Variants in ERBB4 observed in about 807,000 individuals in gnomAD.
ERBB4 encodes the protein erb-b2 receptor tyrosine kinase 4.
In ERBB4, 42 loss-of-function variants were observed where a neutral mutation model predicts 158.0. That is an observed-to-expected ratio of 0.27 (90% confidence interval 0.21 to 0.34). The LOEUF (loss-of-function observed/expected upper bound fraction) is 0.34. ERBB4 is among the 10% of genes least tolerant of loss of function. ERBB4 has a pLI of 1.00. For synonymous variants in ERBB4, 583 were observed against 558.7 expected, an observed-to-expected ratio of 1.04 and a Z score of -0.61; for missense variants, 1,333 against 1,624.1, an observed-to-expected ratio of 0.82 and a Z score of 3.08.
At chr2:211,688,952 T>C (rs1010494176) in intron 12 of ERBB4, among the ~76,000 whole-genome samples, 1 of 152,176 alleles carries the variant, frequency 6.6e-6, no homozygotes, top group Non-Finnish European at 1.5e-5. Context: ...TGTGGTTTTC[T>C]CCATGTCTTA....
intron 2 of ERBB4, among the ~76,000 whole-genome samples, chr2:212,035,324 A>G (rs1205221489): frequency 6.6e-6 from 1 of 152,134 alleles, no homozygotes; most frequent in Non-Finnish European, 1.5e-5. Context: ...AATGTCAAAT[A>G]GCTTATAGAT....
rs993855060 is a variant in ERBB4, at chr2:212,079,498, T to A, written c.234+45254A>T. On this transcript the variant is annotated intron_variant, in intron 2 of 27. Transcript: ENST00000342788. The stretch of plus-strand genomic sequence containing the variant: ...TAGAATTTGCTGAATGACTAACTCC[T>A]TATTTTATTTCTTGATATAACTACT... 2.0e-5 allele frequency among the ~76,000 whole-genome samples: 3 copies of A among 152,106 alleles called. No homozygotes were observed. The East Asian group carries it at 5.8e-4, about 29-fold the overall frequency.
intron 1 of ERBB4, among the ~76,000 whole-genome samples, chr2:212,268,288 A>C (rs2085222517): frequency 6.6e-6 from 1 of 151,870 alleles, no homozygotes; most frequent in African/African-American, 2.4e-5. Context: ...ATGAGATAGA[A>C]ATGACAGATT....
chr2:212,515,396 T>G (rs577687378), intron 1 of ERBB4, among the ~76,000 whole-genome samples: 2 of 152,254 alleles, frequency 1.3e-5, no homozygotes, highest in South Asian at 4.1e-4. Context: ...GAAAATCTTT[T>G]TATTTCCTTT....
chr2:211,490,228 G>A (rs1488713876), intron 20 of ERBB4, among the ~76,000 whole-genome samples: 1 of 152,010 alleles, frequency 6.6e-6, no homozygotes, highest in African/African-American at 2.4e-5. Context: ...CATTCCCAGG[G>A]AAAATTCTTC....
In ERBB4 at chr2:211,711,806, T is replaced by C. The variant is rs564947993; in HGVS notation, c.1124+244A>G. 9.2e-5 allele frequency among the ~76,000 whole-genome samples: 14 copies of C among 152,294 alleles called. No homozygotes were observed. In the East Asian group the frequency reaches 2.5e-3, roughly 27 times the overall value. On this transcript the variant is annotated intron_variant, in intron 9 of 27. Transcript: ENST00000342788. ...TGGATTTGAGGAGGATGTCCTAAAA[T>C]ATAATTTAGTTTAAATACAAATTTA...
intron 1 of ERBB4, among the ~76,000 whole-genome samples, chr2:212,225,284 G>A (rs4580336): frequency 0.65 from 98,028 of 151,844 alleles, 32,023 homozygotes; most frequent in East Asian, 0.77. Flanking sequence ...TAGTTATTTT[G>A]AGAAAGCATC....
intron 2 of ERBB4, among the ~76,000 whole-genome samples, chr2:212,008,026 T>A (rs571461251): frequency 6.6e-6 from 1 of 152,168 alleles, no homozygotes; most frequent in South Asian, 2.1e-4. Flanking sequence ...AATAAGTGGA[T>A]AACAAACATA....
At chr2:212,456,156 A>T (rs1688279311) in intron 1 of ERBB4, among the ~76,000 whole-genome samples, 1 of 152,188 alleles carries the variant, frequency 6.6e-6, no homozygotes, top group South Asian at 2.1e-4. Context: ...TCTGATTTTT[A>T]TAGCAACATT....
chr2:211,644,454 GA>G (rs66611042), intron 16 of ERBB4, among the ~76,000 whole-genome samples: 128,859 of 150,650 alleles, frequency 0.86, 58,072 homozygotes, highest in East Asian at 1. Context: ...TAATGTAAGA[GA>G]AAAAAAAAAT....
At chr2:211,964,541 C>T (rs1342081416) in intron 2 of ERBB4, among the ~76,000 whole-genome samples, 7 of 152,116 alleles carry the variant, frequency 4.6e-5, no homozygotes, top group Non-Finnish European at 1.0e-4. Flanking sequence ...AATTTCACTA[C>T]GGAATAAACT....
intron 2 of ERBB4, among the ~76,000 whole-genome samples, chr2:212,063,688 AC>A (rs1401241655): frequency 6.6e-6 from 1 of 152,202 alleles, no homozygotes; most frequent in Non-Finnish European, 1.5e-5. Flanking sequence ...AAAAATTAAA[AC>A]AAAACCTAAT....
intron 3 of ERBB4, among the ~76,000 whole-genome samples, chr2:211,909,359 G>A (rs2079481933): frequency 6.6e-6 from 1 of 151,426 alleles, no homozygotes; most frequent in African/African-American, 2.4e-5. Context: ...TTAATACCTG[G>A]GGTAAGTTCT....
intron 1 of ERBB4, among the ~76,000 whole-genome samples, chr2:212,356,681 TA>T (rs2089475492): frequency 6.6e-6 from 1 of 151,086 alleles, no homozygotes; most frequent in Non-Finnish European, 1.5e-5. Flanking sequence ...TTTTAAATCA[TA>T]ATCACTACTG....
chr2:211,555,001 G>A (rs879608316), intron 20 of ERBB4, among the ~76,000 whole-genome samples: 3 of 152,132 alleles, frequency 2.0e-5, no homozygotes, highest in Non-Finnish European at 1.5e-5. Context: ...GATAAAAGAC[G>A]AAATTTTCAT....
At chr2:212,250,746 T>C (rs968460581) in intron 1 of ERBB4, among the ~76,000 whole-genome samples, 4 of 150,040 alleles carry the variant, frequency 2.7e-5, no homozygotes, top group African/African-American at 1.0e-4. Flanking sequence ...CAGAGCCCTG[T>C]TGTTTTCTGT....
At chr2:211,906,354 T>C (rs1210453785) in intron 3 of ERBB4, among the ~76,000 whole-genome samples, 1 of 152,114 alleles carries the variant, frequency 6.6e-6, no homozygotes, top group Non-Finnish European at 1.5e-5. Flanking sequence ...GATTTTGTCA[T>C]GAGCAATTGA....
intron 3 of ERBB4, among the ~76,000 whole-genome samples, chr2:211,929,589 A>G (rs2080117133): frequency 6.6e-6 from 1 of 152,120 alleles, no homozygotes; most frequent in South Asian, 2.1e-4. Context: ...ACACATATGG[A>G]TTACTCATTT....
chr2:212,369,431 TAAC>T (rs2090009128), intron 1 of ERBB4, among the ~76,000 whole-genome samples: 1 of 152,144 alleles, frequency 6.6e-6, no homozygotes, highest in African/African-American at 2.4e-5. Flanking sequence ...TAAAAAAATG[TAAC>T]AATAAAAGAT....
Sources: allele counts gnomAD v4.1 joint callset (sites outside exome capture counted in the v4.1 genomes callset), GRCh38; gene constraint gnomAD v4.1.1; transcripts MANE v1.5; gene names NCBI Gene and HGNC (gene_info 2026-07-23, HGNC 2026-07-21).